The following WDR46 variants were observed in gnomAD, a reference collection of about 807,000 sequenced individuals.
WDR46 encodes WD repeat domain 46.
WDR46 carries 58 observed loss-of-function variants against 74.7 expected under a neutral mutation model. The ratio of observed to expected loss-of-function variants is 0.78; its 90% CI spans 0.63 to 0.97. WDR46 has a LOEUF of 0.97. Among genes scored for constraint, WDR46 ranks in the 50% least tolerant of loss-of-function variants. The pLI, the probability that WDR46 is intolerant of heterozygous loss-of-function variation, is 0.00. For missense variants in WDR46, 702 were observed against 790.1 expected (o/e 0.89, Z 1.34); for synonymous variants, 278 against 297.3 (o/e 0.93, Z 0.67).
In WDR46 at chr6:33,280,431, C is replaced by T. The variant is rs1485729101; in HGVS notation, c.1521G>A (p.Glu507=). 2.5e-6 allele frequency: 4 copies of T among 1,573,368 alleles called. No homozygotes were observed. In the East Asian group the frequency reaches 7.0e-5, roughly 27 times the overall value. The part of the protein sequence containing the change: ...RQEWEVKALL[E]KVPAELICLD... ...CTCTCCAGCAGGGGAGCCTCACCTT[C>T]TCTAGCAGGGCCTTCACCTCCCACT... Residue 507 remains glutamate (E), a synonymous_variant, in exon 12 of 15, where the codon GAG becomes GAA. Coordinates refer to ENST00000374617, the MANE Select transcript of WDR46 (RefSeq NM_005452.6).
rs371925901 is a variant in WDR46 at position 33,288,194 on chromosome 6, C to T, written c.515G>A (p.Cys172Tyr). Residue 172 changes from cysteine to tyrosine, a missense_variant, in exon 5 of 15, where the codon TGC (cysteine) becomes TAC (tyrosine). Coordinates refer to ENST00000374617, the MANE Select transcript of WDR46 (RefSeq NM_005452.6). ...GEDGEDTAKICQADIVEAVDI... is the reference protein window; with the variant it reads ...GEDGEDTAKIYQADIVEAVDI... ...CACAGCCTCCACAATGTCAGCCTGG[C>T]ATATCTTTGCTGTGTCTTCCCCATC... 43 of 1,614,120 alleles carry T rather than the reference C, an allele frequency of 2.7e-5. No individual in the cohort carries two copies. Among genetic ancestry groups the T allele is most frequent in the Non-Finnish European group, 3.6e-5 (42 of 1,180,058 alleles).
intron 7 of WDR46, 47 bp downstream of exon 7, chr6:33,287,567 A>AATGGACT: frequency 6.2e-7 from 1 of 1,613,410 alleles, no homozygotes; most frequent in Non-Finnish European, 8.5e-7. Flanking sequence ...TTCAATCAGG[A>AATGGACT]ATGGACTATC....
In WDR46 at chr6:33,279,136, C is replaced by T. The variant is rs1398869087; in HGVS notation, c.*140G>A. 7.2e-6 allele frequency: 9 copies of T among 1,246,306 alleles called. No homozygotes were observed. The highest frequency in any genetic ancestry group is 9.0e-6 in the Non-Finnish European group (8 of 893,736). 77.2% of individuals were successfully genotyped at this position (1,246,306 alleles called of 1,614,324 possible). A position where few individuals can be genotyped will look rare whatever the true frequency, so the allele number is the denominator to read the frequency against. ...AAAAAATCGCTTTCCTCTTTAATAC[C>T]AACCCACCCCAGGAGACAGCTGTCC... On this transcript the variant is annotated 3_prime_UTR_variant, in exon 15 of 15. Coordinates refer to ENST00000374617, the MANE Select transcript of WDR46 (RefSeq NM_005452.6).
At chr6:33,285,831 G>A (rs3130256) in intron 10 of WDR46, among the ~76,000 whole-genome samples, 39,128 of 146,930 alleles carry the variant, frequency 0.27, 6,474 homozygotes, top group South Asian at 0.38. Flanking sequence ...GCCATATTAC[G>A]TTTAATTTTA....
chr6:33,288,120 C>T (rs2150912030), intron 5 of WDR46, 28 bp downstream of exon 5: 2 of 1,614,194 alleles, frequency 1.2e-6, no homozygotes, highest in South Asian at 1.1e-5. Context: ...CAATCAATCC[C>T]TTGGCTCCTT....
At position 33,289,176 on chromosome 6, in the gene WDR46, C is replaced by G; in HGVS notation, c.-6G>C. 6.2e-7 allele frequency: 1 copy of G among 1,608,770 alleles called. No homozygotes were observed. Among genetic ancestry groups the G allele is most frequent in the Non-Finnish European group, 8.5e-7 (1 of 1,177,646 alleles). On this transcript the variant is annotated 5_prime_UTR_variant, in exon 1 of 15. Coordinates refer to ENST00000374617, the MANE Select transcript of WDR46 (RefSeq NM_005452.6). ...GGCTTGGGGGCTGTCTCCATCTCGC[C>G]CACCCGAACGGCGATCCACGTGCAA...
At chr6:33,286,946 A>G in intron 9 of WDR46, 52 bp from the exon 10 acceptor site, 1 of 1,601,568 alleles carries the variant, frequency 6.2e-7, no homozygotes. Context: ...GCCTGAGGTT[A>G]CTAAACATGG....
rs1562613952 is a variant in WDR46 at position 33,280,531 on chromosome 6, A to G, written c.1430-9T>C. ...GTTGGGCTCACCGGCCCCTGAAGGG[A>G]GGGAGGGAGAAGCATGGAGCCATAA... is the stretch of plus-strand genomic sequence containing the variant. On this transcript the variant is annotated splice_polypyrimidine_tract_variant and intron_variant, in intron 11 of 14. Coordinates refer to ENST00000374617, the MANE Select transcript of WDR46 (RefSeq NM_005452.6). 1 of 1,600,348 alleles carries G rather than the reference A, an allele frequency of 6.2e-7. No homozygotes were observed. The highest frequency in any genetic ancestry group is 1.7e-5 in the Admixed American group (1 of 58,142).
intron 4 of WDR46, 22 bp downstream of exon 4, chr6:33,288,336 G>C: frequency 6.2e-7 from 1 of 1,613,656 alleles, no homozygotes; most frequent in African/African-American, 1.3e-5. Flanking sequence ...GGGAATGGGG[G>C]TCCAGATTAG....
Position 33,279,828 on chromosome 6 carries a change from C to T in WDR46, c.1556G>A (p.Arg519Gln), listed in dbSNP as rs772459571. The T allele has an allele frequency of 5.0e-5, 81 of 1,613,904 alleles. No individual in the cohort carries two copies. Among genetic ancestry groups the T allele is most frequent in the African/African-American group, 1.9e-4 (14 of 74,882 alleles). Residue 519 changes from arginine (R) to glutamine (Q), a missense_variant, in exon 13 of 15, where the codon CGA (arginine) becomes CAA (glutamine). Arg to Gln is a conservative substitution (Grantham distance 43). Transcript: ENST00000374617. The stretch of plus-strand genomic sequence containing the variant: ...GATGACATCCACCTCGGCCAGGGCT[C>T]GTGGGTCCAGACAAATAAGCTCTGC... ...VPAELICLDPRALAEVDVISL... is the reference protein window; with the variant it reads ...VPAELICLDPQALAEVDVISL...
In WDR46 at chr6:33,282,307, G is replaced by A. The variant is rs147173514; in HGVS notation, c.1116-1320C>T. ...AAGAGAGGACCAGCTGGATACTTCCGACAAGATAATCAGCGCCCTGACTTT... is the reference window on the plus strand; with the variant it reads ...AAGAGAGGACCAGCTGGATACTTCCAACAAGATAATCAGCGCCCTGACTTT... On this transcript the variant is annotated intron_variant, in intron 10 of 14. Coordinates refer to ENST00000374617, the MANE Select transcript of WDR46 (RefSeq NM_005452.6). 2.9e-3 allele frequency among the ~76,000 whole-genome samples: 438 copies of A among 152,224 alleles called. 2 individuals carry two copies. Among genetic ancestry groups the A allele is most frequent in the Admixed American group, 5.8e-3 (89 of 15,292 alleles).
At position 33,288,770 on chromosome 6, in the gene WDR46, G is replaced by T. The variant is rs762305626; in HGVS notation, c.279+34C>A. ...CCTCTCACTCTCAAGGAACGAGGCG[G>T]CCTGCCTCGCCACCCATCAGGTCCC... On this transcript the variant is annotated intron_variant, in intron 2 of 14. Transcript: ENST00000374617. The T allele has an allele frequency of 7.4e-6, 12 of 1,613,370 alleles. No homozygotes were observed. The East Asian group carries it at 2.5e-4, about 33-fold the overall frequency.
At chr6:33,285,496 A>G (rs1470341311) in intron 10 of WDR46, among the ~76,000 whole-genome samples, 1 of 152,076 alleles carries the variant, frequency 6.6e-6, no homozygotes. Flanking sequence ...GGCATGAGCC[A>G]CTGTGTCCAG....
intron 9 of WDR46, 34 bp from the exon 10 acceptor site, chr6:33,286,928 A>G (rs974159701): frequency 6.2e-7 from 1 of 1,611,288 alleles, no homozygotes; most frequent in African/African-American, 1.3e-5. Context: ...TTGCTAATAC[A>G]CACCTAAGCC....
At chr6:33,286,114 C>G (rs13211083) in intron 10 of WDR46, among the ~76,000 whole-genome samples, 1 of 149,006 alleles carries the variant, frequency 6.7e-6, no homozygotes, top group Non-Finnish European at 1.5e-5. Context: ...GCACTCCAAC[C>G]TGGGAGACAG....
chr6:33,288,539 C>T, intron 3 of WDR46, 69 bp from the exon 4 acceptor site: 4 of 1,607,694 alleles, frequency 2.5e-6, no homozygotes, highest in Non-Finnish European at 2.6e-6. Context: ...GGAGAGCTAC[C>T]TGTCCCAGCC....
intron 11 of WDR46, 28 bp downstream of exon 11, chr6:33,280,646 T>A: frequency 6.3e-7 from 1 of 1,588,884 alleles, no homozygotes; most frequent in African/African-American, 1.3e-5. Context: ...GTTCATTCAC[T>A]TCAAGCCCCA....
chr6:33,288,153 C>T lies in WDR46; in HGVS notation c.556G>A (p.Ala186Thr), dbSNP rs377562603. 1.2e-6 allele frequency: 2 copies of T among 1,614,126 alleles called. No homozygotes were observed. Among genetic ancestry groups the T allele is most frequent in the African/African-American group, 2.7e-5 (2 of 74,936 alleles). Residue 186 changes from alanine (A) to threonine (T), a missense_variant, in exon 5 of 15, where the codon GCC becomes ACC. Ala to Thr is a moderately conservative substitution (Grantham distance 58, BLOSUM62 0). Coordinates refer to ENST00000374617, the MANE Select transcript of WDR46 (RefSeq NM_005452.6). ...IVEAVDIASA[A>T]KHFDLNLRQF... is the part of the protein sequence containing the mutation. ...CTTTACCTCCTCAGGCTCACCTTGG[C>T]TGCACTTGCAATGTCCACAGCCTCC...
In WDR46 at chr6:33,287,078, G is replaced by A; in HGVS notation, c.1015+13C>T. 1 of 1,611,318 alleles carries A rather than the reference G, an allele frequency of 6.2e-7. No individual in the cohort carries two copies. Among genetic ancestry groups the A allele is most frequent in the African/African-American group, 1.3e-5 (1 of 74,938 alleles). ...TCAGGATGGTCAGAGTCAAAACTAA[G>A]CCAGGTACTGACCATTGCTGTGTCC... On this transcript the variant is annotated intron_variant, in intron 9 of 14. Coordinates refer to ENST00000374617, the MANE Select transcript of WDR46 (RefSeq NM_005452.6).
Sources: gnomAD v4.1 joint callset for allele counts (sites outside exome capture counted in the v4.1 genomes callset) on GRCh38, gnomAD v4.1.1 for gene constraint, MANE v1.5 for transcripts, NCBI Gene and HGNC (gene_info 2026-07-23, HGNC 2026-07-21) for gene names.